Variants in KCTD9 observed in about 807,000 individuals in gnomAD.
KCTD9 encodes the protein potassium channel tetramerization domain containing 9.
A neutral mutation model predicts 53.3 loss-of-function variants in KCTD9; 17 were observed. The ratio of observed to expected loss-of-function variants is 0.32; its 90% CI spans 0.22 to 0.48. The LOEUF (loss-of-function observed/expected upper bound fraction) is 0.48. Among genes scored for constraint, KCTD9 ranks in the 20% least tolerant of loss-of-function variants. The probability of loss-of-function intolerance (pLI) is 0.99; values close to 1 mark genes in which losing one functional copy is unlikely to be tolerated. For missense variants in KCTD9, 179 were observed against 465.5 expected, an observed-to-expected ratio of 0.38 and a Z score of 5.66; for synonymous variants, 128 against 162.7, an observed-to-expected ratio of 0.79 and a Z score of 1.62.
chr8:25,443,944 T>C (rs1802167597), intron 3 of KCTD9, among the ~76,000 whole-genome samples: 1 of 152,144 alleles, frequency 6.6e-6, no homozygotes, highest in African/African-American at 2.4e-5. Flanking sequence ...CTCACAAATA[T>C]GTAATACAAC....
chr8:25,444,277 T>A lies in KCTD9; in HGVS notation c.214+15A>T. The A allele has an allele frequency of 2.5e-6, 4 of 1,574,388 alleles. No individual in the cohort carries two copies. Among genetic ancestry groups the A allele is most frequent in the Non-Finnish European group, 2.6e-6 (3 of 1,158,496 alleles). ...TTTTTTTTGGCAGATAAAATTGGCT[T>A]TTAAAGTCACTTACCAATAAATGGC... On this transcript the variant is annotated intron_variant, in intron 3 of 11. Coordinates refer to ENST00000221200, the MANE Select transcript of KCTD9 (RefSeq NM_017634.4).
intron 3 of KCTD9, 65 bp downstream of exon 3, chr8:25,444,227 A>G: frequency 7.8e-7 from 1 of 1,283,572 alleles, no homozygotes; most frequent in Non-Finnish European, 1.1e-6. Flanking sequence ...CCCATTTAAA[A>G]TAATTGTCAT....
chr8:25,448,435 C>G (rs1296867759), intron 1 of KCTD9, among the ~76,000 whole-genome samples: 1 of 152,048 alleles, frequency 6.6e-6, no homozygotes, highest in Admixed American at 6.5e-5. Flanking sequence ...GGGATGATGA[C>G]CAAGTACTGG....
At position 25,436,447 on chromosome 8, in the gene KCTD9, A is replaced by G. The variant is rs1285654486; in HGVS notation, c.538T>C (p.Leu180=). The G allele has an allele frequency of 2.5e-6, 4 of 1,599,158 alleles. No homozygotes were observed. The South Asian group carries it at 4.6e-5, about 18-fold the overall frequency. ...EEARFFGIDS[L]IEHLEVAIKN... ...ATTGCCACTTCTAGGTGTTCAATCA[A>G]TGAGTCAATACCAAAAAATCTTGCT... Residue 180 remains leucine (L), a synonymous_variant, in exon 7 of 12, where the codon TTG becomes CTG. Coordinates refer to ENST00000221200, the MANE Select transcript of KCTD9 (RefSeq NM_017634.4).
chr8:25,450,457 G>A (rs1802299360), intron 1 of KCTD9: 1 of 983,252 alleles, frequency 1.0e-6, no homozygotes, highest in Non-Finnish European at 1.2e-6. Flanking sequence ...TTGTGTGACA[G>A]TCATATTCAT....
intron 11 of KCTD9, among the ~76,000 whole-genome samples, 159 bp downstream of exon 11, chr8:25,432,345 G>C (rs993641107): frequency 1.3e-5 from 2 of 152,148 alleles, no homozygotes; most frequent in Non-Finnish European, 2.9e-5. Flanking sequence ...AAAAACTCAA[G>C]GAAAAGGAGA....
At position 25,435,495 on chromosome 8, in the gene KCTD9, A is replaced by G. The variant is rs2117393977; in HGVS notation, c.681T>C (p.Gly227=). 6.2e-7 allele frequency: 1 copy of G among 1,607,114 alleles called. No homozygotes were observed. The highest frequency in any genetic ancestry group is 1.7e-5 in the Admixed American group (1 of 58,462). ...GAAGGTCCAAACGAGAAAGATCAGC[A>G]CCACTGAAGTTCAAACCCTGAAATA... The part of the protein sequence containing the change: ...ELRCQGLNFS[G]ADLSRLDLRY... The change falls in exon 9 of 12, where the codon GGT becomes GGC. Residue 227 remains glycine, a synonymous_variant. Coordinates refer to ENST00000221200, the MANE Select transcript of KCTD9 (RefSeq NM_017634.4).
Position 25,428,904 on chromosome 8 carries a change from G to A in KCTD9, c.*953C>T, listed in dbSNP as rs1051284523. 2 of 152,120 alleles carry A rather than the reference G, an allele frequency of 1.3e-5. No individual in the cohort carries two copies. Among genetic ancestry groups the A allele is most frequent in the African/African-American group, 4.8e-5 (2 of 41,440 alleles). 9.4% of individuals were successfully genotyped at this position (152,120 alleles called of 1,614,324 possible). ...TTTGATTGCAGTAGCTCTGGATTTA[G>A]TATCTATTTCTAAGCTGGCCCTATG... On this transcript the variant is annotated 3_prime_UTR_variant, in exon 12 of 12. Coordinates refer to ENST00000221200, the MANE Select transcript of KCTD9 (RefSeq NM_017634.4).
chr8:25,448,310 A>G (rs1016655395), intron 1 of KCTD9, among the ~76,000 whole-genome samples: 2 of 152,148 alleles, frequency 1.3e-5, no homozygotes, highest in Non-Finnish European at 2.9e-5. Flanking sequence ...CTATGATACC[A>G]CTCACATGAA....
intron 8 of KCTD9, among the ~76,000 whole-genome samples, chr8:25,435,733 T>C (rs941620013): frequency 6.6e-6 from 1 of 152,198 alleles, no homozygotes; most frequent in Non-Finnish European, 1.5e-5. Context: ...CATTAGAATA[T>C]AGCCCGGCTA....
Position 25,458,305 on chromosome 8 carries a change from A to G in KCTD9, c.-59T>C. 1 of 1,586,102 alleles carries G rather than the reference A, an allele frequency of 6.3e-7. No individual in the cohort carries two copies. Among genetic ancestry groups the G allele is most frequent in the Non-Finnish European group, 8.6e-7 (1 of 1,160,892 alleles). ...CACCCTCCCACCTGGTCCTCCTCCC[A>G]CCTTTTTCTCCTCCCGCCCTTCCCC... is the stretch of plus-strand genomic sequence containing the variant. On this transcript the variant is annotated 5_prime_UTR_variant, in exon 1 of 12. Transcript: ENST00000221200.
intron 9 of KCTD9, 145 bp downstream of exon 9, chr8:25,435,218 T>G (rs1168941596): frequency 7.7e-6 from 4 of 518,594 alleles, no homozygotes; most frequent in Non-Finnish European, 1.3e-5. Flanking sequence ...TTCAGACCTT[T>G]AGTCTTATAT....
At chr8:25,445,096 A>G (rs1418153095) in intron 2 of KCTD9, among the ~76,000 whole-genome samples, 1 of 152,204 alleles carries the variant, frequency 6.6e-6, no homozygotes, top group Non-Finnish European at 1.5e-5. Flanking sequence ...AGTTTTCCTT[A>G]GAAACTGAAA....
At chr8:25,443,654 T>G (rs1340931151) in intron 3 of KCTD9, among the ~76,000 whole-genome samples, 2 of 152,214 alleles carry the variant, frequency 1.3e-5, no homozygotes, top group African/African-American at 4.8e-5. Context: ...CAATTGCCTG[T>G]GCAACAATCG....
At chr8:25,431,130 C>T (rs1195034226) in intron 11 of KCTD9, among the ~76,000 whole-genome samples, 4 of 151,956 alleles carry the variant, frequency 2.6e-5, no homozygotes, top group Admixed American at 2.0e-4. Context: ...TGCGCCTGGC[C>T]CCAAAGTAAT....
intron 1 of KCTD9, among the ~76,000 whole-genome samples, chr8:25,454,363 G>T (rs1340702997): frequency 6.6e-6 from 1 of 152,098 alleles, no homozygotes; most frequent in African/African-American, 2.4e-5. Context: ...AATGAATGAT[G>T]AATTAATCAG....
At chr8:25,450,460 A>G (rs1270496224) in intron 1 of KCTD9, 3 of 983,260 alleles carry the variant, frequency 3.1e-6, no homozygotes, top group African/African-American at 1.7e-5. Context: ...TGTGACAGTC[A>G]TATTCATTTA....
intron 6 of KCTD9, among the ~76,000 whole-genome samples, chr8:25,437,682 C>CA (rs1312106548): frequency 1.4e-5 from 2 of 148,006 alleles, no homozygotes; most frequent in South Asian, 2.2e-4. Flanking sequence ...CATCTCAAAA[C>CA]AAAAAAAATA....
chr8:25,452,958 G>C (rs1264345851), intron 1 of KCTD9, among the ~76,000 whole-genome samples: 2 of 152,154 alleles, frequency 1.3e-5, no homozygotes, highest in Admixed American at 6.5e-5. Context: ...CTTGAGGCCA[G>C]GAGTTTGAGA....
Sources: allele counts gnomAD v4.1 joint callset (sites outside exome capture counted in the v4.1 genomes callset), GRCh38; gene constraint gnomAD v4.1.1; transcripts MANE v1.5; gene names NCBI Gene and HGNC (gene_info 2026-07-23, HGNC 2026-07-21).